The following LARGE1 variants were observed in gnomAD, a reference collection of about 807,000 sequenced individuals.
The protein encoded by LARGE1 is LARGE xylosyl- and glucuronyltransferase 1.
Under a neutral mutation model 87.6 loss-of-function variants are expected in LARGE1, and 43 were observed. That is an observed-to-expected ratio of 0.49 (90% CI 0.38 to 0.63). LARGE1 has a LOEUF of 0.63. Ranked by LOEUF, LARGE1 falls within the 30% of genes least tolerant of loss-of-function variation. The pLI, the probability that LARGE1 is intolerant of heterozygous loss-of-function variation, is 0.00. For synonymous variants in LARGE1, 434 were observed against 394.6 expected, an observed-to-expected ratio of 1.10 and a Z score of -1.18; for missense variants, 802 against 1,000.2, an observed-to-expected ratio of 0.80 and a Z score of 2.67.
intron 13 of LARGE1, among the ~76,000 whole-genome samples, chr22:33,277,537 A>G (rs1929579011): frequency 6.6e-6 from 1 of 152,210 alleles, no homozygotes; most frequent in Non-Finnish European, 1.5e-5. Context: ...GGGAAAATTT[A>G]GACACAGAGA....
At chr22:33,794,349 C>T (rs966761173) in intron 1 of LARGE1, among the ~76,000 whole-genome samples, 1 of 152,126 alleles carries the variant, frequency 6.6e-6, no homozygotes, top group Non-Finnish European at 1.5e-5. Context: ...CCAGGTGGGC[C>T]CCAAGGGCTC....
In LARGE1 at chr22:33,609,773, T is replaced by C. The variant is rs192878194; in HGVS notation, c.492-5215A>G. ...GGCCTGATGGTTAGTGTTTGGGTCATGGGGGCGGATCCCTCATGGCTTGGT... is the reference window on the plus strand; with the variant it reads ...GGCCTGATGGTTAGTGTTTGGGTCACGGGGGCGGATCCCTCATGGCTTGGT... On this transcript the variant is annotated intron_variant, in intron 4 of 14. Transcript: ENST00000397394. 1.6e-4 allele frequency among the ~76,000 whole-genome samples: 24 copies of C among 152,220 alleles called. No homozygotes were observed. The East Asian group carries it at 2.7e-3, about 17-fold the overall frequency.
At chr22:33,793,042 A>G (rs1261176380) in intron 1 of LARGE1, among the ~76,000 whole-genome samples, 1 of 152,236 alleles carries the variant, frequency 6.6e-6, no homozygotes, top group Non-Finnish European at 1.5e-5. Flanking sequence ...AGACGGAGGC[A>G]GGGAGTTCCA....
At position 33,407,656 on chromosome 22, in the gene LARGE1, T is replaced by C. The variant is rs369010669; in HGVS notation, c.893-23352A>G. On this transcript the variant is annotated intron_variant, in intron 7 of 14. Transcript: ENST00000397394. Reference sequence around the variant, plus strand: ...AGAACATGTTATTATTCCTATTCACTAGATGTGGAAAGCTAACTGGTGCAG... The same window carrying C: ...AGAACATGTTATTATTCCTATTCACCAGATGTGGAAAGCTAACTGGTGCAG... Among the ~76,000 whole-genome samples, 397 of 146,042 alleles carry C rather than the reference T, an allele frequency of 2.7e-3. 16 individuals carry two copies. The South Asian group carries it at 0.069, about 25-fold the overall frequency.
the LARGE1 span, among the ~76,000 whole-genome samples, chr22:33,093,064 G>A: frequency 1.3e-5 from 2 of 152,108 alleles, no homozygotes; most frequent in Non-Finnish European, 2.9e-5. Flanking sequence ...CTTCCACAAT[G>A]GTTGAATTAA....
At chr22:33,655,667 CA>C (rs2080939040) in intron 2 of LARGE1, among the ~76,000 whole-genome samples, 1 of 152,182 alleles carries the variant, frequency 6.6e-6, no homozygotes, top group African/African-American at 2.4e-5. Context: ...CTGCAGATCA[CA>C]CCTTGAGTGG....
intron 1 of LARGE1, among the ~76,000 whole-genome samples, chr22:33,800,747 T>C (rs1459023452): frequency 3.3e-5 from 5 of 152,220 alleles, no homozygotes; most frequent in Admixed American, 2.6e-4. Context: ...TCTCGCTGAG[T>C]AGTGTTCAAC....
chr22:33,319,076 A>T (rs560633161), intron 10 of LARGE1, among the ~76,000 whole-genome samples: 1 of 152,244 alleles, frequency 6.6e-6, no homozygotes, highest in East Asian at 1.9e-4. Flanking sequence ...AATTGCTCCA[A>T]TTCCTTCTCT....
chr22:33,826,429 GC>G (rs1158642670), intron 1 of LARGE1, among the ~76,000 whole-genome samples: 3 of 148,714 alleles, frequency 2.0e-5, no homozygotes. Context: ...TGCAACCTCC[GC>G]CTCCTGGGTT....
At chr22:33,336,621 G>C (rs117730235) in intron 10 of LARGE1, among the ~76,000 whole-genome samples, 2,300 of 152,286 alleles carry the variant, frequency 0.015, 24 homozygotes, top group Non-Finnish European at 0.023. Context: ...AGGTCAGCCT[G>C]ACTCCCCATG....
intron 1 of LARGE1, among the ~76,000 whole-genome samples, chr22:33,784,945 A>G (rs1200824489): frequency 6.6e-6 from 1 of 151,328 alleles, no homozygotes; most frequent in Non-Finnish European, 1.5e-5. Context: ...ATACACGTGT[A>G]TACATGTGTA....
intron 6 of LARGE1, among the ~76,000 whole-genome samples, chr22:33,543,561 A>C (rs1278659800): frequency 6.6e-6 from 1 of 152,238 alleles, no homozygotes; most frequent in Non-Finnish European, 1.5e-5. Context: ...TAGTAAGTGG[A>C]AAAGAAGTCA....
At chr22:33,128,692 A>AAAG in the LARGE1 span, among the ~76,000 whole-genome samples, 2 of 144,120 alleles carry the variant, frequency 1.4e-5, no homozygotes, top group East Asian at 2.0e-4. Flanking sequence ...AAAAAAAAAA[A>AAAG]AAAAAGAAAA....
At chr22:33,825,782 G>T (rs2062764508) in intron 1 of LARGE1, among the ~76,000 whole-genome samples, 1 of 152,164 alleles carries the variant, frequency 6.6e-6, no homozygotes, top group African/African-American at 2.4e-5. Flanking sequence ...GAAGCCCACT[G>T]TGGCTTTTTC....
At chr22:33,651,223 T>TAAAAAAAAAAAAAAAAAAAAA (rs1371688457) in intron 2 of LARGE1, among the ~76,000 whole-genome samples, 2 of 17,146 alleles carry the variant, frequency 1.2e-4, no homozygotes, top group Non-Finnish European at 2.3e-4. Flanking sequence ...CTACTAAAAA[T>TAAAAAAAAAAAAAAAAAAAAA]ACAAAAAAAA....
At chr22:33,921,393 G>A (rs2065947541), upstream of LARGE1, among the ~76,000 whole-genome samples, 2 of 152,348 alleles carry the variant, frequency 1.3e-5, no homozygotes, top group South Asian at 4.1e-4. The surrounding 1 kb of genome is among the most constrained non-coding windows in gnomAD (Gnocchi z 4.1). Flanking sequence ...GAAGCGGGAC[G>A]GGCCCGCAGC....
intron 11 of LARGE1, among the ~76,000 whole-genome samples, chr22:33,183,011 A>G (rs1221572910): frequency 6.6e-6 from 1 of 152,210 alleles, no homozygotes; most frequent in Non-Finnish European, 1.5e-5. Context: ...GAAACAGTCG[A>G]CAAAATGAAA....
At chr22:33,493,312 C>T (rs1354936297) in intron 6 of LARGE1, among the ~76,000 whole-genome samples, 1 of 151,936 alleles carries the variant, frequency 6.6e-6, no homozygotes, top group Non-Finnish European at 1.5e-5. Flanking sequence ...AGGCGCGCGC[C>T]ACTATGTCCA....
intron 7 of LARGE1, among the ~76,000 whole-genome samples, chr22:33,392,963 A>C (rs187812267): frequency 6.6e-6 from 1 of 152,230 alleles, no homozygotes; most frequent in Non-Finnish European, 1.5e-5. Context: ...GGTGGCTTAT[A>C]GTGTCACAGC....
Sources: allele counts gnomAD v4.1 joint callset (sites outside exome capture counted in the v4.1 genomes callset), GRCh38; gene constraint gnomAD v4.1.1; non-coding constraint Gnocchi (gnomAD v3.1); transcripts MANE v1.5; gene names NCBI Gene and HGNC (gene_info 2026-07-23, HGNC 2026-07-21).